The following UBE2G2 variants were observed in gnomAD, a reference collection of about 807,000 sequenced individuals.
The protein encoded by UBE2G2 is ubiquitin-conjugating enzyme E2 G2.
In UBE2G2, 10 loss-of-function variants were observed where a neutral mutation model predicts 23.0. The observed-to-expected ratio is 0.43, with a 90% CI of 0.27 to 0.74. The LOEUF is 0.74. Among genes scored for constraint, UBE2G2 ranks in the 30% least tolerant of loss-of-function variants. The pLI is 0.19. For missense variants in UBE2G2, 150 were observed against 218.3 expected (o/e 0.69, Z 1.97); for synonymous variants, 86 against 81.3 (o/e 1.06, Z -0.31).
At chr21:44,793,227 C>G (rs1324682524) in intron 1 of UBE2G2, among the ~76,000 whole-genome samples, 2 of 152,194 alleles carry the variant, frequency 1.3e-5, no homozygotes, top group Non-Finnish European at 2.9e-5. Context: ...TGTCAGTGGG[C>G]AACTAAGTAG....
At chr21:44,788,877 C>A (rs1193883275) in intron 1 of UBE2G2, among the ~76,000 whole-genome samples, 4 of 151,164 alleles carry the variant, frequency 2.6e-5, no homozygotes, top group Non-Finnish European at 5.9e-5. Context: ...TAAATCCTTG[C>A]CAAATAAATA....
At position 44,772,978 on chromosome 21, in the gene UBE2G2, T is replaced by C. The variant is rs1307116960; in HGVS notation, c.385+569A>G. ...GGCTCCAGCCAAAATGAGCTGGCAG[T>C]GCCCCCATCAAGTCAGCCACCTCCT... On this transcript the variant is annotated intron_variant, in intron 5 of 5. Coordinates refer to ENST00000345496, the MANE Select transcript of UBE2G2 (RefSeq NM_003343.6). This position sits in a 1 kb window ranked among gnomAD's most constrained non-coding sequence, Gnocchi z 5.4. Among the ~76,000 whole-genome samples, 9 of 152,176 alleles carry C rather than the reference T, an allele frequency of 5.9e-5. No individual in the cohort carries two copies. Among genetic ancestry groups the C allele is most frequent in the African/African-American group, 2.2e-4 (9 of 41,444 alleles).
intron 3 of UBE2G2, among the ~76,000 whole-genome samples, chr21:44,783,148 G>A (rs553972291): frequency 3.3e-5 from 5 of 152,228 alleles, no homozygotes; most frequent in South Asian, 2.1e-4. Context: ...ATACATGAAC[G>A]GCCAATAAGC....
rs1555960058 is a variant in UBE2G2 at position 44,772,587 on chromosome 21, C to A, written c.385+960G>T. Among the ~76,000 whole-genome samples the A allele has an allele frequency of 4.6e-5, 7 of 152,126 alleles. No homozygotes were observed. Among genetic ancestry groups the A allele is most frequent in the Non-Finnish European group, 1.0e-4 (7 of 68,018 alleles). ...ACTGCCTCATCCAGAAATGACCCCA[C>A]ATCTTCACTCTCGTGTCTGACCCCC... On this transcript the variant is annotated intron_variant, in intron 5 of 5. Coordinates refer to ENST00000345496, the MANE Select transcript of UBE2G2 (RefSeq NM_003343.6). The surrounding 1 kb of genome is among the most constrained non-coding windows in gnomAD (Gnocchi z 5.4).
At position 44,777,392 on chromosome 21, in the gene UBE2G2, A is replaced by G; in HGVS notation, c.151T>C (p.Phe51Leu). The G allele has an allele frequency of 6.2e-7, 1 of 1,614,034 alleles. No individual in the cohort carries two copies. The highest frequency in any genetic ancestry group is 8.5e-7 in the Non-Finnish European group (1 of 1,179,998). ...CTCAGGATGGCAGGAAAAACACCAA[A>G]CTCAAAGCAGGTGTCTTCTGGGCCC... ...IMGPEDTCFE[F>L]GVFPAILSFP... The change falls in exon 4 of 6, where the codon TTT becomes CTT. Residue 51 changes from phenylalanine (F) to leucine (L), a missense_variant. By Grantham distance (22) the Phe-to-Leu change is conservative. Coordinates refer to ENST00000345496, the MANE Select transcript of UBE2G2 (RefSeq NM_003343.6).
intron 1 of UBE2G2, among the ~76,000 whole-genome samples, chr21:44,798,263 C>T (rs560005991): frequency 3.9e-4 from 59 of 152,330 alleles, no homozygotes; most frequent in South Asian, 1.4e-3. Context: ...ATCTTTTTGC[C>T]GGTGCAGTCT....
intron 3 of UBE2G2, among the ~76,000 whole-genome samples, chr21:44,781,983 T>C (rs2082961092): frequency 6.6e-6 from 1 of 152,232 alleles, no homozygotes; most frequent in Non-Finnish European, 1.5e-5. Flanking sequence ...AACTATAAAG[T>C]GTACTAAATA....
Position 44,771,603 on chromosome 21 carries a change from G to A in UBE2G2, c.386-114C>T, listed in dbSNP as rs1277781205. ...GGGGGCTTTCAAGAGCTGTGTCCCA[G>A]AAACAAAGAACCTGAGAACTGCATG... On this transcript the variant is annotated intron_variant, in intron 5 of 5. Transcript: ENST00000345496. This position sits in a 1 kb window ranked among gnomAD's most constrained non-coding sequence, Gnocchi z 4.6. 1 of 1,125,032 alleles carries A rather than the reference G, an allele frequency of 8.9e-7. No individual in the cohort carries two copies. The highest frequency in any genetic ancestry group is 1.3e-6 in the Non-Finnish European group (1 of 769,446). 69.7% of individuals were successfully genotyped at this position (1,125,032 alleles called of 1,614,324 possible).
chr21:44,798,063 T>C (rs537094529), intron 1 of UBE2G2, among the ~76,000 whole-genome samples: 1 of 152,048 alleles, frequency 6.6e-6, no homozygotes, highest in South Asian at 2.1e-4. Flanking sequence ...GTGGATTAAG[T>C]GAAAGGATAG....
intron 3 of UBE2G2, among the ~76,000 whole-genome samples, chr21:44,782,668 C>A (rs2082965656): frequency 6.6e-6 from 1 of 152,126 alleles, no homozygotes; most frequent in Non-Finnish European, 1.5e-5. Flanking sequence ...GACAAAGGTG[C>A]CAAAATTATG....
intron 3 of UBE2G2, among the ~76,000 whole-genome samples, chr21:44,780,809 C>A (rs781784371): frequency 6.6e-6 from 1 of 152,186 alleles, no homozygotes; most frequent in African/African-American, 2.4e-5. Flanking sequence ...CAGTGAAAAG[C>A]GAAGATCAGC....
intron 4 of UBE2G2, chr21:44,774,859 C>A: frequency 2.6e-6 from 1 of 384,056 alleles, no homozygotes; most frequent in Non-Finnish European, 5.2e-6. Context: ...TGTGTCCCTG[C>A]CACAGCCCCT....
At chr21:44,795,345 A>C (rs1470540250) in intron 1 of UBE2G2, among the ~76,000 whole-genome samples, 4 of 152,214 alleles carry the variant, frequency 2.6e-5, no homozygotes, top group African/African-American at 9.6e-5. Flanking sequence ...AAAATTTTTA[A>C]AACTGGAAGG....
chr21:44,792,194 C>T (rs1024205641), intron 1 of UBE2G2, among the ~76,000 whole-genome samples: 4 of 152,154 alleles, frequency 2.6e-5, no homozygotes, highest in Admixed American at 6.5e-5. Context: ...TGGACTTGGA[C>T]TTTTGAGTTA....
rs1555960004 is a variant in UBE2G2 at position 44,772,203 on chromosome 21, A to C, written c.386-714T>G. 6.6e-6 allele frequency among the ~76,000 whole-genome samples: 1 copy of C among 152,124 alleles called. No homozygotes were observed. Among genetic ancestry groups the C allele is most frequent in the African/African-American group, 2.4e-5 (1 of 41,412 alleles). On this transcript the variant is annotated intron_variant, in intron 5 of 5. Transcript: ENST00000345496. This position sits in a 1 kb window ranked among gnomAD's most constrained non-coding sequence, Gnocchi z 5.4. ...CCGGTTCAGAGCAGAGTTGATGAGG[A>C]TAAAACCCACAGCTGACATCTGAGG...
chr21:44,776,513 G>C (rs1406006565), intron 4 of UBE2G2, among the ~76,000 whole-genome samples: 1 of 151,976 alleles, frequency 6.6e-6, no homozygotes, highest in Non-Finnish European at 1.5e-5. Context: ...TCTTCTTTTA[G>C]ATCATTTAAA....
chr21:44,795,453 G>A (rs1027819242), intron 1 of UBE2G2, among the ~76,000 whole-genome samples: 1 of 151,834 alleles, frequency 6.6e-6, no homozygotes, highest in Non-Finnish European at 1.5e-5. Context: ...GCAACATGGC[G>A]AAACCCTATC....
intron 1 of UBE2G2, among the ~76,000 whole-genome samples, chr21:44,795,607 G>A (rs1555963612): frequency 1.3e-5 from 2 of 151,430 alleles, no homozygotes; most frequent in African/African-American, 2.4e-5. Flanking sequence ...ACTCTAGCCC[G>A]AGTGACAGAG....
chr21:44,786,789 C>G lies in UBE2G2; in HGVS notation c.125+1131G>C, dbSNP rs181018883. 2.0e-5 allele frequency among the ~76,000 whole-genome samples: 3 copies of G among 152,162 alleles called. No homozygotes were observed. The East Asian group carries it at 5.8e-4, about 29-fold the overall frequency. ...CCTTGCTGCAAATTAAAAGACCTCA[C>G]TAATGAGATAACAAAGACTGGGCTT... On this transcript the variant is annotated intron_variant, in intron 3 of 5. Coordinates refer to ENST00000345496, the MANE Select transcript of UBE2G2 (RefSeq NM_003343.6).
Sources: gnomAD v4.1 joint callset for allele counts (sites outside exome capture counted in the v4.1 genomes callset) on GRCh38, gnomAD v4.1.1 for gene constraint, Gnocchi (gnomAD v3.1) non-coding constraint, MANE v1.5 for transcripts, NCBI Gene and HGNC (gene_info 2026-07-23, HGNC 2026-07-21) for gene names.